Variants in KAZN observed in about 807,000 individuals in gnomAD.
KAZN encodes the protein kazrin, periplakin interacting protein, also known as kazrin.
In KAZN, 40 loss-of-function variants were observed where a neutral mutation model predicts 87.4. That is an observed-to-expected ratio of 0.46 (90% CI 0.36 to 0.60). KAZN has a LOEUF of 0.60. Among genes scored for constraint, KAZN ranks in the 20% least tolerant of loss-of-function variants. KAZN has a pLI of 0.00. For missense variants in KAZN, 898 were observed against 1,073.9 expected (o/e 0.84, Z 2.29); for synonymous variants, 466 against 458.3 (o/e 1.02, Z -0.22).
At chr1:15,060,092 T>G (rs938063097) in intron 5 of KAZN, 80 bp from the exon 6 acceptor site, 73 of 1,566,810 alleles carry the variant, frequency 4.7e-5, no homozygotes, top group Non-Finnish European at 6.3e-5. Context: ...AACGGGGGTG[T>G]TGGGTGGAAT....
intron 8 of KAZN, among the ~76,000 whole-genome samples, chr1:15,070,524 C>T (rs1639459242): frequency 6.6e-6 from 1 of 152,198 alleles, no homozygotes; most frequent in African/African-American, 2.4e-5. Flanking sequence ...CACCCTTCCC[C>T]GCCACAGCAT....
At chr1:14,641,502 G>A (rs564682147) in intron 1 of KAZN, among the ~76,000 whole-genome samples, 82 of 152,288 alleles carry the variant, frequency 5.4e-4, no homozygotes, top group Non-Finnish European at 1.0e-3. Flanking sequence ...GATGACTTCC[G>A]TCTCCCCACC....
chr1:14,421,959 T>C (rs1171170918), intron 2 of KAZN, among the ~76,000 whole-genome samples: 1 of 152,132 alleles, frequency 6.6e-6, no homozygotes, highest in African/African-American at 2.4e-5. Context: ...TATCCAACAG[T>C]GCATGGGCTC....
intron 1 of KAZN, among the ~76,000 whole-genome samples, chr1:14,691,879 G>A (rs576410582): frequency 2.6e-5 from 4 of 151,070 alleles, no homozygotes; most frequent in Non-Finnish European, 5.9e-5. Flanking sequence ...CAGGCCACCT[G>A]AGCAGGTAGC....
At chr1:14,055,694 A>G (rs1174674026) in intron 1 of KAZN, among the ~76,000 whole-genome samples, 2 of 152,112 alleles carry the variant, frequency 1.3e-5, no homozygotes, top group South Asian at 4.1e-4. Context: ...CAGAAGGTAG[A>G]TTTTCAGTTC....
chr1:14,993,225 T>C (rs1027343949), intron 2 of KAZN, among the ~76,000 whole-genome samples: 10 of 150,390 alleles, frequency 6.6e-5, no homozygotes, highest in Non-Finnish European at 1.0e-4. Flanking sequence ...CCCAGCACTC[T>C]GGGAGGCCAA....
chr1:14,251,097 A>T (rs1649991887), intron 2 of KAZN, among the ~76,000 whole-genome samples: 1 of 152,184 alleles, frequency 6.6e-6, no homozygotes. Context: ...AAACTATGTA[A>T]TCTATGCTTG....
At chr1:14,043,228 C>T (rs1270825729) in intron 1 of KAZN, among the ~76,000 whole-genome samples, 1 of 152,164 alleles carries the variant, frequency 6.6e-6, no homozygotes, top group African/African-American at 2.4e-5. Context: ...TCATCTGTGT[C>T]GTAGCGTGTG....
At chr1:14,017,308 C>T (rs899225810) in intron 1 of KAZN, among the ~76,000 whole-genome samples, 1 of 152,172 alleles carries the variant, frequency 6.6e-6, no homozygotes, top group African/African-American at 2.4e-5. Flanking sequence ...AATCTGTGTC[C>T]ATAAACATTT....
chr1:14,294,156 C>A (rs1653937096), intron 2 of KAZN, among the ~76,000 whole-genome samples: 1 of 152,134 alleles, frequency 6.6e-6, no homozygotes, highest in African/African-American at 2.4e-5. Flanking sequence ...CCTGAAGAAC[C>A]CGTGCATTCT....
intron 1 of KAZN, among the ~76,000 whole-genome samples, chr1:13,959,074 C>T (rs1641656695): frequency 6.6e-6 from 1 of 152,178 alleles, no homozygotes; most frequent in Admixed American, 6.5e-5. Flanking sequence ...ACCCCTGATT[C>T]CACCATGTCC....
chr1:14,528,144 C>G (rs1432153254), intron 2 of KAZN, among the ~76,000 whole-genome samples: 2 of 151,716 alleles, frequency 1.3e-5, no homozygotes, highest in Non-Finnish European at 2.9e-5. Flanking sequence ...CTCATGTCAG[C>G]CTGGCCAACA....
intron 2 of KAZN, among the ~76,000 whole-genome samples, chr1:14,242,971 C>T (rs1303842924): frequency 6.6e-6 from 1 of 152,190 alleles, no homozygotes; most frequent in East Asian, 1.9e-4. Context: ...TCAGTCTTCT[C>T]TGATGATTTC....
At chr1:14,004,402 C>T (rs1639946557) in intron 1 of KAZN, among the ~76,000 whole-genome samples, 1 of 152,150 alleles carries the variant, frequency 6.6e-6, no homozygotes, top group African/African-American at 2.4e-5. Flanking sequence ...TGCATAAATA[C>T]CAGTACATTT....
chr1:13,967,267 G>C (rs1353650466), intron 1 of KAZN, among the ~76,000 whole-genome samples: 1 of 152,156 alleles, frequency 6.6e-6, no homozygotes, highest in Non-Finnish European at 1.5e-5. Context: ...TGTGTGGACT[G>C]ACTTAAGAGT....
At chr1:14,018,099 C>T (rs1374605978) in intron 1 of KAZN, among the ~76,000 whole-genome samples, 3 of 152,214 alleles carry the variant, frequency 2.0e-5, no homozygotes, top group Non-Finnish European at 4.4e-5. Context: ...ACTAAGTTCG[C>T]ATTGATCACT....
At chr1:14,736,615 G>A (rs1377116622) in intron 1 of KAZN, among the ~76,000 whole-genome samples, 1 of 151,774 alleles carries the variant, frequency 6.6e-6, no homozygotes, top group Non-Finnish European at 1.5e-5. Context: ...TCGGCCAAGG[G>A]TGTACATTTT....
At chr1:14,267,819 G>T (rs1298526403) in intron 2 of KAZN, among the ~76,000 whole-genome samples, 1 of 152,100 alleles carries the variant, frequency 6.6e-6, no homozygotes, top group African/African-American at 2.4e-5. Context: ...AATTAGCCAG[G>T]CATGGTGGTG....
chr1:14,400,826 A>G (rs997740245), intron 2 of KAZN, among the ~76,000 whole-genome samples: 2 of 152,248 alleles, frequency 1.3e-5, no homozygotes, highest in African/African-American at 4.8e-5. Flanking sequence ...GATCACAAGA[A>G]TTAGCATTGA....
Sources: gnomAD v4.1 joint callset for allele counts (sites outside exome capture counted in the v4.1 genomes callset) on GRCh38, gnomAD v4.1.1 for gene constraint, MANE v1.5 for transcripts, NCBI Gene and HGNC (gene_info 2026-07-23, HGNC 2026-07-21) for gene names.